BICD1: variants seen among roughly 807,000 people sequenced by gnomAD.
BICD1 encodes the protein protein bicaudal D homolog 1.
In BICD1, 35 loss-of-function variants were observed where a neutral mutation model predicts 92.5. The observed-to-expected ratio is 0.38, with a 90% CI of 0.29 to 0.50. BICD1 has a LOEUF of 0.50. Among genes scored for constraint, BICD1 ranks in the 20% least tolerant of loss-of-function variants. The probability of loss-of-function intolerance (pLI) is 0.93; values close to 1 mark genes in which losing one functional copy is unlikely to be tolerated. For missense variants in BICD1, 950 were observed against 1,189.8 expected, an observed-to-expected ratio of 0.80 and a Z score of 2.97; for synonymous variants, 429 against 465.1, an observed-to-expected ratio of 0.92 and a Z score of 1.00.
At chr12:32,149,646 A>G (rs1294353960) in intron 1 of BICD1, among the ~76,000 whole-genome samples, 2 of 152,200 alleles carry the variant, frequency 1.3e-5, no homozygotes, top group African/African-American at 4.8e-5. Context: ...ACCCTATCTG[A>G]CTTAGGAGAA....
At position 32,382,868 on chromosome 12, in the gene BICD1, A is replaced by T. The variant is rs1044367291; in HGVS notation, c.*5241A>T. ...ATAATTATTCAATGATAGATAATGG[A>T]GATACAGAATGACTCATTGGGTTCA... On this transcript the variant is annotated 3_prime_UTR_variant, in exon 10 of 10. Coordinates refer to ENST00000652176, the MANE Select transcript of BICD1 (RefSeq NM_001714.4). The T allele has an allele frequency of 6.6e-6, 1 of 152,088 alleles. No individual in the cohort carries two copies. Among genetic ancestry groups the T allele is most frequent in the Non-Finnish European group, 1.5e-5 (1 of 67,952 alleles). The allele number at this position is 152,088 out of a possible 1,614,324, so 9.4% of individuals were successfully genotyped here.
At chr12:32,361,208 A>T (rs1939312238) in intron 8 of BICD1, among the ~76,000 whole-genome samples, 1 of 152,198 alleles carries the variant, frequency 6.6e-6, no homozygotes, top group Non-Finnish European at 1.5e-5. Flanking sequence ...CACAAACCGG[A>T]ACAAGGTCAG....
rs1938198624 is a variant in BICD1, at chr12:32,337,821, G to A, written c.2570+5G>A. On this transcript the variant is annotated splice_donor_5th_base_variant and intron_variant, in intron 7 of 9. Transcript: ENST00000652176. The surrounding 1 kb of genome is among the most constrained non-coding windows in gnomAD (Gnocchi z 4.7). Reference sequence around the variant, plus strand: ...CAGTGGCACTCAGAGGAAAAGGTATGCATGCAGCGATCTTCATAGTACGGT... The same window carrying A: ...CAGTGGCACTCAGAGGAAAAGGTATACATGCAGCGATCTTCATAGTACGGT... The A allele has an allele frequency of 6.2e-7, 1 of 1,613,808 alleles. No homozygotes were observed. Among genetic ancestry groups the A allele is most frequent in the Non-Finnish European group, 8.5e-7 (1 of 1,179,848 alleles).
At chr12:32,222,789 T>C (rs867918717) in intron 2 of BICD1, among the ~76,000 whole-genome samples, 1 of 152,108 alleles carries the variant, frequency 6.6e-6, no homozygotes. Context: ...CTTTTGGCCC[T>C]TTTGTCCTTT....
chr12:32,359,612 C>A (rs548252414), intron 8 of BICD1, among the ~76,000 whole-genome samples: 1 of 152,242 alleles, frequency 6.6e-6, no homozygotes, highest in Non-Finnish European at 1.5e-5. Context: ...AAAGTTCCAC[C>A]TTTCAATACT....
chr12:32,132,647 CA>C (rs1394940140), intron 1 of BICD1, among the ~76,000 whole-genome samples: 1 of 152,128 alleles, frequency 6.6e-6, no homozygotes, highest in African/African-American at 2.4e-5. Flanking sequence ...GTACTGCCTT[CA>C]ACCAGGACCC....
chr12:32,121,812 ATT>A (rs77883866), intron 1 of BICD1, among the ~76,000 whole-genome samples: 55,283 of 140,354 alleles, frequency 0.39, 11,039 homozygotes, highest in Middle Eastern at 0.57. Context: ...AGTTTGTCAA[ATT>A]TTTTTTTTTT....
At chr12:32,282,796 C>A (rs547578856) in intron 2 of BICD1, among the ~76,000 whole-genome samples, 28 of 152,228 alleles carry the variant, frequency 1.8e-4, no homozygotes, top group East Asian at 1.2e-3. Context: ...GCAACACATG[C>A]TGTTGAAGAA....
At chr12:32,325,123 CCCA>C (rs1948745821) in intron 4 of BICD1, among the ~76,000 whole-genome samples, 1 of 147,296 alleles carries the variant, frequency 6.8e-6, no homozygotes, top group Admixed American at 6.9e-5. Context: ...ACAGGCACAC[CCCA>C]CTGCACCTGG....
At chr12:32,369,400 G>C (rs1191737295) in intron 9 of BICD1, among the ~76,000 whole-genome samples, 1 of 152,250 alleles carries the variant, frequency 6.6e-6, no homozygotes, top group African/African-American at 2.4e-5. Context: ...TTTTGAGCAG[G>C]GGCAGGCCCA....
At chr12:32,174,240 C>A (rs866836899) in intron 1 of BICD1, among the ~76,000 whole-genome samples, 1 of 151,896 alleles carries the variant, frequency 6.6e-6, no homozygotes, top group African/African-American at 2.4e-5. Flanking sequence ...TCCTTTTTAG[C>A]GTCTTTATTT....
At chr12:32,120,657 C>T (rs992790134) in intron 1 of BICD1, among the ~76,000 whole-genome samples, 2 of 152,124 alleles carry the variant, frequency 1.3e-5, no homozygotes, top group Non-Finnish European at 2.9e-5. Context: ...TGTGAGGTTA[C>T]TGGATGGAAA....
intron 5 of BICD1, chr12:32,332,984 A>T (rs11051944): frequency 0.22 from 213,303 of 985,054 alleles, 23,815 homozygotes; most frequent in East Asian, 0.59. Context: ...TTGCACAGTC[A>T]ATGGACAAAC....
At chr12:32,329,838 C>T (rs534696046) in intron 5 of BICD1, among the ~76,000 whole-genome samples, 2 of 152,008 alleles carry the variant, frequency 1.3e-5, no homozygotes, top group Non-Finnish European at 2.9e-5. Flanking sequence ...GGGAGTGCTG[C>T]GAAATATAGG....
chr12:32,338,905 G>C lies in BICD1; in HGVS notation c.2690G>C (p.Gly897Ala). The C allele has an allele frequency of 3.7e-6, 6 of 1,608,360 alleles. No homozygotes were observed. The highest frequency in any genetic ancestry group is 5.1e-6 in the Non-Finnish European group (6 of 1,177,772). ...TCCACAGAATCATTTCTTCTGAAGG[G>C]CCCCCCTTCCATGAGTGAATTCATC... ...PTSTESFLLKGPPSMSEFIQG... is the reference protein window; with the variant it reads ...PTSTESFLLKAPPSMSEFIQG... The change falls in exon 8 of 10, where the codon GGC (glycine) becomes GCC (alanine). Residue 897 changes from glycine (G) to alanine (A), a missense_variant. Coordinates refer to ENST00000652176, the MANE Select transcript of BICD1 (RefSeq NM_001714.4).
chr12:32,352,062 G>A (rs189797382), intron 8 of BICD1, among the ~76,000 whole-genome samples: 109 of 151,544 alleles, frequency 7.2e-4, no homozygotes, highest in Non-Finnish European at 1.2e-3. Context: ...AAAATTAGCT[G>A]GGCACAGTGG....
intron 2 of BICD1, among the ~76,000 whole-genome samples, chr12:32,254,140 C>T (rs1245515856): frequency 6.7e-6 from 1 of 150,002 alleles, no homozygotes; most frequent in Non-Finnish European, 1.5e-5. Context: ...ACTGCCGTAT[C>T]CCACCTGCCA....
chr12:32,339,108 C>A, intron 8 of BICD1, 129 bp downstream of exon 8: 1 of 1,352,562 alleles, frequency 7.4e-7, no homozygotes, highest in Non-Finnish European at 9.4e-7. Flanking sequence ...TCCTATAAGT[C>A]AAGTAAAAAC....
intron 2 of BICD1, among the ~76,000 whole-genome samples, chr12:32,221,352 T>TG: frequency 6.9e-6 from 1 of 145,820 alleles, no homozygotes; most frequent in African/African-American, 2.5e-5. Context: ...TCACAAAAAA[T>TG]AAAAAAATAA....
Sources: gnomAD v4.1 joint callset for allele counts (sites outside exome capture counted in the v4.1 genomes callset) on GRCh38, gnomAD v4.1.1 for gene constraint, Gnocchi (gnomAD v3.1) non-coding constraint, MANE v1.5 for transcripts, NCBI Gene and HGNC (gene_info 2026-07-23, HGNC 2026-07-21) for gene names.